APLF: variants seen among roughly 807,000 people sequenced by gnomAD.
APLF encodes aprataxin and PNKP like factor, also known as aprataxin and PNK-like factor.
In APLF, 61 loss-of-function variants were observed where a neutral mutation model predicts 55.6. That is an observed-to-expected ratio of 1.10 (90% confidence interval 0.89 to 1.36). The LOEUF (loss-of-function observed/expected upper bound fraction) is 1.36, where lower values mean the gene tolerates loss of function less well. Ranked by LOEUF, APLF falls within the 40% of genes most tolerant of loss-of-function variation. The pLI, the probability that APLF is intolerant of heterozygous loss-of-function variation, is 0.00. For synonymous variants in APLF, 207 were observed against 214.8 expected, an observed-to-expected ratio of 0.96 and a Z score of 0.32; for missense variants, 611 against 602.5, an observed-to-expected ratio of 1.01 and a Z score of -0.15.
At chr2:68,514,888 T>A (rs949507135) in intron 5 of APLF, among the ~76,000 whole-genome samples, 5 of 151,876 alleles carry the variant, frequency 3.3e-5, no homozygotes, top group African/African-American at 1.2e-4. Context: ...GAAAAATATT[T>A]TTTTCCTGAA....
intron 6 of APLF, 124 bp downstream of exon 6, chr2:68,526,366 T>G: frequency 7.0e-7 from 1 of 1,422,810 alleles, no homozygotes; most frequent in Non-Finnish European, 9.8e-7. Flanking sequence ...AAGACAAAAC[T>G]AGCCCAATTT....
In APLF at chr2:68,511,781, G is replaced by A. The variant is rs1290049390; in HGVS notation, c.342-1299G>A. Among the ~76,000 whole-genome samples the A allele has an allele frequency of 2.0e-5, 3 of 151,616 alleles. No homozygotes were observed. In the East Asian group the frequency reaches 5.8e-4, roughly 29 times the overall value. On this transcript the variant is annotated intron_variant, in intron 3 of 9. Coordinates refer to ENST00000303795, the MANE Select transcript of APLF (RefSeq NM_173545.3). ...CAGACATTTCCAAGATATGTCTCCA[G>A]CACCTGGCACAGTGTTTGACACACA... is the stretch of plus-strand genomic sequence containing the variant.
In APLF at chr2:68,545,286, A is replaced by G. The variant is rs1420895732; in HGVS notation, c.1260A>G (p.Glu420=). 1.2e-6 allele frequency: 2 copies of G among 1,613,842 alleles called. No homozygotes were observed. The highest frequency in any genetic ancestry group is 1.7e-5 in the Admixed American group (1 of 60,000). Residue 420 remains glutamate, a synonymous_variant, in exon 8 of 10, where the codon GAA becomes GAG. Transcript: ENST00000303795. ...VGQDETDDRP[E]CPYGPSCYRK... is the part of the protein sequence containing the mutation. Reference sequence around the variant, plus strand: ...AAGATGAGACTGATGACCGGCCTGAATGTCCCTATGGACCATCCTGTTATA... The same window carrying G: ...AAGATGAGACTGATGACCGGCCTGAGTGTCCCTATGGACCATCCTGTTATA...
Position 68,545,324 on chromosome 2 carries a change from G to T in APLF, c.1286+12G>T. The T allele has an allele frequency of 6.2e-7, 1 of 1,604,340 alleles. No individual in the cohort carries two copies. The highest frequency in any genetic ancestry group is 8.5e-7 in the Non-Finnish European group (1 of 1,175,414). ...CCATCCTGTTATAGGTATAGAAACT[G>T]AATGTTTGGCTGCACTCCTTTTCTT... is the stretch of plus-strand genomic sequence containing the variant. On this transcript the variant is annotated intron_variant, in intron 8 of 9. Transcript: ENST00000303795.
rs1396514572 is a variant in APLF, at chr2:68,516,929, AATATATAATATAAT to A, written c.622+3269_622+3282del. 8.6e-3 allele frequency among the ~76,000 whole-genome samples: 1,089 copies of A among 127,332 alleles called. 12 individuals are homozygous for A. The highest frequency in any genetic ancestry group is 0.03 in the African/African-American group (981 of 33,064). The allele number at this position is 127,332 out of a possible 152,430, so 83.5% of individuals were successfully genotyped here. On this transcript the variant is annotated intron_variant, in intron 5 of 9. Coordinates refer to ENST00000303795, the MANE Select transcript of APLF (RefSeq NM_173545.3). The stretch of plus-strand genomic sequence containing the variant: ...ATATATCCTATATAACATTATATAT[AATATATAATATAAT>A]ATATATAATATAATATATAATAATA...
At chr2:68,510,123 CGAGTTAAT>C (rs1469626735) in intron 3 of APLF, among the ~76,000 whole-genome samples, 12 of 150,924 alleles carry the variant, frequency 8.0e-5, no homozygotes, top group Admixed American at 2.6e-4. Flanking sequence ...ATGTAAATGA[CGAGTTAAT>C]GGGTGCAGCA....
chr2:68,516,949 T>C (rs1239952193), intron 5 of APLF, among the ~76,000 whole-genome samples: 2 of 125,990 alleles, frequency 1.6e-5, no homozygotes, highest in Non-Finnish European at 3.2e-5. Context: ...ATAATATATA[T>C]AATATAATAT....
chr2:68,477,162 C>G (rs959162202), intron 1 of APLF, among the ~76,000 whole-genome samples: 3 of 152,138 alleles, frequency 2.0e-5, no homozygotes, highest in Non-Finnish European at 4.4e-5. Flanking sequence ...GATATGTAGA[C>G]AAATGTAAAG....
intron 1 of APLF, among the ~76,000 whole-genome samples, chr2:68,470,384 A>G (rs2103868251): frequency 6.6e-6 from 1 of 152,304 alleles, no homozygotes; most frequent in South Asian, 2.1e-4. Context: ...GGTGATAGAA[A>G]TGTGCTTTGT....
At chr2:68,511,915 G>A (rs1237077996) in intron 3 of APLF, among the ~76,000 whole-genome samples, 2 of 151,628 alleles carry the variant, frequency 1.3e-5, no homozygotes, top group African/African-American at 4.8e-5. Flanking sequence ...TGACATTGAA[G>A]GCTGCCTTTG....
intron 5 of APLF, among the ~76,000 whole-genome samples, chr2:68,518,826 T>C (rs1272092388): frequency 7.9e-6 from 1 of 126,242 alleles, no homozygotes; most frequent in Non-Finnish European, 1.6e-5. Flanking sequence ...ATATTAGTAA[T>C]ATATCATTAA....
intron 5 of APLF, among the ~76,000 whole-genome samples, chr2:68,519,615 A>G (rs1198874048): frequency 6.7e-6 from 1 of 150,104 alleles, no homozygotes; most frequent in Non-Finnish European, 1.5e-5. Context: ...ATTGAGGATC[A>G]ACACATACAG....
At chr2:68,528,502 C>T in intron 6 of APLF, 1 of 1,533,904 alleles carries the variant, frequency 6.5e-7, no homozygotes. Context: ...TTTTGCGGGA[C>T]CTGTGGCCGG....
Position 68,538,183 on chromosome 2 carries a change from C to G in APLF, c.1116C>G (p.Asn372Lys), listed in dbSNP as rs141787372. ...CAGTTCTACAAGGTTCTGAAGGAAA[C>G]AAGGTCAAGAGGACATCCTGCATGT... The part of the protein sequence containing the change: ...TDSVLQGSEG[N>K]KVKRTSCMYG... Residue 372 changes from asparagine (N) to lysine (K), a missense_variant, in exon 7 of 10, where the codon AAC (asparagine) becomes AAG (lysine). Asn to Lys is a moderately conservative substitution (Grantham distance 94, BLOSUM62 0). Coordinates refer to ENST00000303795, the MANE Select transcript of APLF (RefSeq NM_173545.3). The G allele has an allele frequency of 6.2e-7, 1 of 1,612,942 alleles. No homozygotes were observed. Among genetic ancestry groups the G allele is most frequent in the African/African-American group, 1.3e-5 (1 of 74,972 alleles).
chr2:68,476,045 C>G lies in APLF; in HGVS notation c.96+8218C>G, dbSNP rs554103798. Reference sequence around the variant, plus strand: ...ATACTAGATGACTTTCTGTTTTTCTCTACCATGAAAATTTGAATTTGTCTA... The same window carrying G: ...ATACTAGATGACTTTCTGTTTTTCTGTACCATGAAAATTTGAATTTGTCTA... On this transcript the variant is annotated intron_variant, in intron 1 of 9. Transcript: ENST00000303795. Among the ~76,000 whole-genome samples, 12 of 150,556 alleles carry G rather than the reference C, an allele frequency of 8.0e-5. No homozygotes were observed. The East Asian group carries it at 2.3e-3, about 29-fold the overall frequency.
At chr2:68,528,572 T>C in intron 6 of APLF, 1 of 1,533,964 alleles carries the variant, frequency 6.5e-7, no homozygotes, top group Non-Finnish European at 8.7e-7. Context: ...GGGCTGCATG[T>C]CCTCCCCCAC....
chr2:68,525,840 C>T (rs1225082649), intron 5 of APLF, among the ~76,000 whole-genome samples: 1 of 145,622 alleles, frequency 6.9e-6, no homozygotes, highest in East Asian at 2.0e-4. Context: ...ACCTCCACCT[C>T]CTGGGTTCAA....
chr2:68,470,428 T>C (rs759345973), intron 1 of APLF, among the ~76,000 whole-genome samples: 1 of 152,206 alleles, frequency 6.6e-6, no homozygotes, highest in Non-Finnish European at 1.5e-5. Flanking sequence ...CTTAGGTTGA[T>C]ATATTGTACT....
chr2:68,573,457 G>C (rs975836298), intron 9 of APLF, among the ~76,000 whole-genome samples: 7 of 152,126 alleles, frequency 4.6e-5, no homozygotes, highest in Non-Finnish European at 8.8e-5. Flanking sequence ...TGGATCACCT[G>C]AGGTCAGGAG....
Sources: allele counts gnomAD v4.1 joint callset (sites outside exome capture counted in the v4.1 genomes callset), GRCh38; gene constraint gnomAD v4.1.1; transcripts MANE v1.5; gene names NCBI Gene and HGNC (gene_info 2026-07-23, HGNC 2026-07-21).